Variants in DIS3L2 observed in about 807,000 individuals in gnomAD.
DIS3L2 encodes the protein DIS3 like 3'-5' exoribonuclease 2.
A neutral mutation model predicts 97.5 loss-of-function variants in DIS3L2; 34 were observed. That is an observed-to-expected ratio of 0.35 (90% confidence interval 0.27 to 0.46). The LOEUF (loss-of-function observed/expected upper bound fraction) is 0.46, where lower values mean the gene tolerates loss of function less well. Among genes scored for constraint, DIS3L2 ranks in the 20% least tolerant of loss-of-function variants. The pLI is 1.00. For missense variants in DIS3L2, 1,038 were observed against 1,146.0 expected, an observed-to-expected ratio of 0.91 and a Z score of 1.36; for synonymous variants, 435 against 445.2, an observed-to-expected ratio of 0.98 and a Z score of 0.29.
chr2:232,327,287 G>T (rs539552092), intron 14 of DIS3L2, among the ~76,000 whole-genome samples: 218 of 152,324 alleles, frequency 1.4e-3, no homozygotes, highest in Admixed American at 2.2e-3. Flanking sequence ...CCTCCTGCTG[G>T]CCACACTGCA....
downstream of DIS3L2, chr2:232,337,221 A>C (rs1346757040): frequency 7.8e-6 from 7 of 900,166 alleles, no homozygotes; most frequent in Admixed American, 1.4e-4. Flanking sequence ...CACCCTGACG[A>C]ATGTGACTGT....
In DIS3L2 at chr2:232,293,383, G is replaced by A. The variant is rs922396136; in HGVS notation, c.1660-6657G>A. Among the ~76,000 whole-genome samples, 3 of 152,230 alleles carry A rather than the reference G, an allele frequency of 2.0e-5. No homozygotes were observed. Among genetic ancestry groups the A allele is most frequent in the African/African-American group, 7.2e-5 (3 of 41,464 alleles). Reference sequence around the variant, plus strand: ...CCGATTGCCCAGGAGACCTGGTGAAGCCACCCTTGGATTCTCTGGGGGAAA... The same window carrying A: ...CCGATTGCCCAGGAGACCTGGTGAAACCACCCTTGGATTCTCTGGGGGAAA... On this transcript the variant is annotated intron_variant, in intron 13 of 20. Transcript: ENST00000325385. The surrounding 1 kb of genome is among the most constrained non-coding windows in gnomAD (Gnocchi z 4.6).
intron 10 of DIS3L2, among the ~76,000 whole-genome samples, chr2:232,234,578 C>T (rs1303126713): frequency 2.6e-5 from 4 of 152,220 alleles, no homozygotes; most frequent in Admixed American, 2.6e-4. Context: ...TCTTGAACTC[C>T]TGACTTCAGG....
At chr2:232,204,973 T>G (rs1427529007) in intron 9 of DIS3L2, among the ~76,000 whole-genome samples, 1 of 152,050 alleles carries the variant, frequency 6.6e-6, no homozygotes. Context: ...GTTCCTTTGC[T>G]TCTCCCAATT....
At chr2:232,075,967 G>T (rs1574855067) in intron 5 of DIS3L2, among the ~76,000 whole-genome samples, 1 of 152,156 alleles carries the variant, frequency 6.6e-6, no homozygotes, top group East Asian at 1.9e-4. Context: ...GAGATTCAAA[G>T]AAACTGCTTT....
At chr2:232,212,710 A>G (rs1692224298) in intron 10 of DIS3L2, among the ~76,000 whole-genome samples, 1 of 152,216 alleles carries the variant, frequency 6.6e-6, no homozygotes, top group African/African-American at 2.4e-5. Flanking sequence ...TGCAAGGAAA[A>G]GGAGAGAAAC....
At chr2:232,131,647 A>G (rs1468274512) in intron 7 of DIS3L2, 1 of 152,148 alleles carries the variant, frequency 6.6e-6, no homozygotes, top group Admixed American at 6.6e-5. Context: ...GGCAACGTAT[A>G]AAGTGGCATA....
At chr2:232,156,307 T>C (rs1690491856) in intron 8 of DIS3L2, among the ~76,000 whole-genome samples, 1 of 152,176 alleles carries the variant, frequency 6.6e-6, no homozygotes, top group African/African-American at 2.4e-5. Flanking sequence ...TAGTTTTTGT[T>C]TCCTTTCATG....
intron 9 of DIS3L2, among the ~76,000 whole-genome samples, chr2:232,193,641 G>T (rs72992353): frequency 0.012 from 1,889 of 152,184 alleles, 17 homozygotes; most frequent in Non-Finnish European, 0.018. Flanking sequence ...CTATCATTGG[G>T]TATTAATATA....
At chr2:232,053,865 G>A (rs774107701) in intron 5 of DIS3L2, among the ~76,000 whole-genome samples, 12 of 152,112 alleles carry the variant, frequency 7.9e-5, no homozygotes, top group Admixed American at 1.3e-4. Context: ...ATTACACAGG[G>A]ATGATTGATT....
Position 231,987,464 on chromosome 2 carries a change from T to C in DIS3L2, c.-94+25699T>C, listed in dbSNP as rs1001330466. On this transcript the variant is annotated intron_variant, in intron 1 of 20. Transcript: ENST00000325385. ...GCATGAATATAGGTTTTATATTTAA[T>C]GTGCATCTGGAGGCAGCAAGGTCTT... is the stretch of plus-strand genomic sequence containing the variant. Among the ~76,000 whole-genome samples the C allele has an allele frequency of 4.6e-5, 7 of 152,368 alleles. No individual in the cohort carries two copies. The South Asian group carries it at 1.0e-3, about 23-fold the overall frequency.
chr2:232,265,840 T>C (rs975710042), intron 13 of DIS3L2, among the ~76,000 whole-genome samples: 1 of 152,234 alleles, frequency 6.6e-6, no homozygotes, highest in Non-Finnish European at 1.5e-5. Flanking sequence ...GTATGAACAG[T>C]GAATTGTGAG....
chr2:232,267,456 C>T (rs1450738435), intron 13 of DIS3L2, among the ~76,000 whole-genome samples: 3 of 152,080 alleles, frequency 2.0e-5, no homozygotes, highest in African/African-American at 2.4e-5. Flanking sequence ...GAGTAATACC[C>T]CTTCCAGGTA....
At chr2:232,218,210 T>C (rs1445621687) in intron 10 of DIS3L2, among the ~76,000 whole-genome samples, 1 of 152,178 alleles carries the variant, frequency 6.6e-6, no homozygotes, top group Non-Finnish European at 1.5e-5. Flanking sequence ...TAATAAGGGC[T>C]GTAGGAGTCA....
At chr2:232,135,472 G>A (rs1698330332) in intron 7 of DIS3L2, among the ~76,000 whole-genome samples, 1 of 152,172 alleles carries the variant, frequency 6.6e-6, no homozygotes, top group Non-Finnish European at 1.5e-5. Flanking sequence ...GAGTGGCGAA[G>A]GGGGGTGTCC....
chr2:232,207,545 A>G (rs1337292644), intron 9 of DIS3L2, among the ~76,000 whole-genome samples: 1 of 152,284 alleles, frequency 6.6e-6, no homozygotes, highest in African/African-American at 2.4e-5. Flanking sequence ...TTACTTCTGT[A>G]TATCTTGAGG....
At chr2:232,130,589 T>G (rs373201666) in intron 6 of DIS3L2, 30 bp from the exon 7 acceptor site, 2 of 1,596,700 alleles carry the variant, frequency 1.3e-6, no homozygotes, top group African/African-American at 1.4e-5. Flanking sequence ...GGTTGATGAC[T>G]CCTCTTCTCT....
intron 13 of DIS3L2, among the ~76,000 whole-genome samples, chr2:232,289,430 G>A (rs1057239491): frequency 2.0e-5 from 3 of 151,882 alleles, no homozygotes; most frequent in South Asian, 2.1e-4. Flanking sequence ...CCGCCACCAC[G>A]CCCAGCTAAT....
At chr2:232,237,867 A>G (rs186060924) in intron 10 of DIS3L2, among the ~76,000 whole-genome samples, 12 of 152,342 alleles carry the variant, frequency 7.9e-5, no homozygotes, top group Admixed American at 5.2e-4. Context: ...AGCCAAGCCA[A>G]CATCTAAATG....
Sources: allele counts gnomAD v4.1 joint callset (sites outside exome capture counted in the v4.1 genomes callset), GRCh38; gene constraint gnomAD v4.1.1; non-coding constraint Gnocchi (gnomAD v3.1); transcripts MANE v1.5; gene names NCBI Gene and HGNC (gene_info 2026-07-23, HGNC 2026-07-21).